NELL2: variants seen among roughly 807,000 people sequenced by gnomAD.
NELL2 encodes the protein neural EGFL like 2.
Under a neutral mutation model 109.6 loss-of-function variants are expected in NELL2, and 41 were observed. That is an observed-to-expected ratio of 0.37 (90% CI 0.29 to 0.49). The LOEUF (loss-of-function observed/expected upper bound fraction) is 0.49. Ranked by LOEUF, NELL2 falls within the 20% of genes least tolerant of loss-of-function variation. The pLI is 0.98. For missense variants in NELL2, 900 were observed against 1,008.3 expected (o/e 0.89, Z 1.45); for synonymous variants, 355 against 344.7 (o/e 1.03, Z -0.33).
Position 44,876,201 on chromosome 12 carries a change from CAA to C in NELL2, c.-334_-333del. 1.7e-6 allele frequency: 2 copies of C among 1,211,514 alleles called. No individual in the cohort carries two copies. Among genetic ancestry groups the C allele is most frequent in the Non-Finnish European group, 2.1e-6 (2 of 969,482 alleles). The allele number at this position is 1,211,514 out of a possible 1,614,324, so 75.0% of individuals were successfully genotyped here. ...AGCTCCCGAGCCGAATAAAAGCAGC[CAA>C]AGACTCGCACACCCGGTAGAAGGGG... On this transcript the variant is annotated 5_prime_UTR_variant, in exon 1 of 20. Coordinates refer to ENST00000429094, the MANE Select transcript of NELL2 (RefSeq NM_001145108.2).
intron 19 of NELL2, among the ~76,000 whole-genome samples, chr12:44,518,401 T>C (rs1404931532): frequency 1.3e-5 from 2 of 152,166 alleles, no homozygotes; most frequent in East Asian, 1.9e-4. Context: ...CCCACCACCA[T>C]GCCTGGCTAA....
intron 12 of NELL2, among the ~76,000 whole-genome samples, chr12:44,702,117 C>T (rs1426286243): frequency 6.6e-6 from 1 of 152,072 alleles, no homozygotes; most frequent in Non-Finnish European, 1.5e-5. Flanking sequence ...GTTACCACCA[C>T]TCTCCCCTCA....
At chr12:44,815,690 C>T (rs187714024) in intron 3 of NELL2, among the ~76,000 whole-genome samples, 18 of 152,298 alleles carry the variant, frequency 1.2e-4, no homozygotes, top group Admixed American at 1.0e-3. Flanking sequence ...ATGATCTTGG[C>T]TCACTGCAAC....
At chr12:44,909,803 G>A (rs1945759422) in intron 1 of NELL2, among the ~76,000 whole-genome samples, 1 of 150,250 alleles carries the variant, frequency 6.7e-6, no homozygotes, top group Non-Finnish European at 1.5e-5. Flanking sequence ...GGAACAGACT[G>A]GAGAACCCAG....
intron 3 of NELL2, among the ~76,000 whole-genome samples, chr12:44,797,358 T>G (rs545000194): frequency 5.9e-5 from 9 of 152,190 alleles, no homozygotes; most frequent in African/African-American, 2.2e-4. Context: ...GGGGACCCAC[T>G]GGGGAATATA....
chr12:44,910,724 T>C (rs1356252371), intron 1 of NELL2, among the ~76,000 whole-genome samples: 1 of 152,000 alleles, frequency 6.6e-6, no homozygotes, highest in African/African-American at 2.4e-5. Flanking sequence ...CCATCAATGA[T>C]GGATTGGATA....
intron 3 of NELL2, among the ~76,000 whole-genome samples, chr12:44,811,830 C>G (rs1943189285): frequency 6.6e-6 from 1 of 152,126 alleles, no homozygotes; most frequent in Non-Finnish European, 1.5e-5. Flanking sequence ...TATTCTATAG[C>G]AGAGACTTTG....
chr12:44,913,753 G>A lies in NELL2; in HGVS notation c.38+46C>T, dbSNP rs1592719225. 4.2e-6 allele frequency: 3 copies of A among 707,306 alleles called. No individual in the cohort carries two copies. The East Asian group carries it at 1.1e-4, about 27-fold the overall frequency. The allele number at this position is 707,306 out of a possible 1,614,324, so 43.8% of individuals were successfully genotyped here. ...ACCCTCCTTAAAGAATTTTTAAAAT[G>A]GTGTTCAGAGTTACCTTAAAATTAA... On this transcript the variant is annotated intron_variant, in intron 1 of 20. Coordinates refer to the NELL2 transcript ENST00000333837.
intron 12 of NELL2, among the ~76,000 whole-genome samples, chr12:44,686,205 A>T (rs972890018): frequency 2.0e-5 from 3 of 152,124 alleles, no homozygotes; most frequent in South Asian, 2.1e-4. Flanking sequence ...AGTTGATCAC[A>T]TCGGCTCCTG....
upstream of NELL2, among the ~76,000 whole-genome samples, chr12:44,916,361 A>G (rs961990706): frequency 1.1e-4 from 16 of 152,062 alleles, no homozygotes; most frequent in Non-Finnish European, 2.4e-4. Context: ...ATAGAAAATC[A>G]GGTAAATGAA....
intron 9 of NELL2, among the ~76,000 whole-genome samples, chr12:44,720,144 A>T (rs1342509683): frequency 2.0e-5 from 3 of 152,174 alleles, no homozygotes; most frequent in Non-Finnish European, 4.4e-5. Context: ...TACAATGCTT[A>T]AATCTCTATT....
chr12:44,694,392 C>CA (rs1163569737), intron 12 of NELL2, among the ~76,000 whole-genome samples: 1 of 151,954 alleles, frequency 6.6e-6, no homozygotes, highest in Non-Finnish European at 1.5e-5. Context: ...GAAACTATAC[C>CA]ACTGGCTCTC....
At chr12:44,615,155 A>AT (rs1654942811) in intron 13 of NELL2, among the ~76,000 whole-genome samples, 1 of 152,076 alleles carries the variant, frequency 6.6e-6, no homozygotes, top group Non-Finnish European at 1.5e-5. Flanking sequence ...GGGTTGCAAG[A>AT]GATCAAGGGA....
intron 3 of NELL2, among the ~76,000 whole-genome samples, chr12:44,812,835 C>T (rs1943222470): frequency 6.6e-6 from 1 of 152,040 alleles, no homozygotes; most frequent in African/African-American, 2.4e-5. Flanking sequence ...CAATAAAGAA[C>T]CTAGTTTAAT....
At chr12:44,516,049 T>C (rs527861821) in intron 19 of NELL2, among the ~76,000 whole-genome samples, 1 of 151,978 alleles carries the variant, frequency 6.6e-6, no homozygotes, top group Non-Finnish European at 1.5e-5. Flanking sequence ...CTTTAAGTTT[T>C]AGGGTACATG....
intron 13 of NELL2, among the ~76,000 whole-genome samples, chr12:44,659,047 C>A (rs1947630695): frequency 6.6e-6 from 1 of 152,078 alleles, no homozygotes; most frequent in African/African-American, 2.4e-5. Flanking sequence ...AATAACACCA[C>A]ACATCTATAA....
chr12:44,810,721 T>C (rs1164317033), intron 3 of NELL2, among the ~76,000 whole-genome samples: 6 of 152,070 alleles, frequency 3.9e-5, no homozygotes, highest in Non-Finnish European at 8.8e-5. Context: ...TCTTTATACA[T>C]ATTTTTTTGT....
rs1941496969 is a variant in NELL2 at position 44,770,296 on chromosome 12, T to C, written c.994+4451A>G. 2.0e-5 allele frequency among the ~76,000 whole-genome samples: 3 copies of C among 152,198 alleles called. No individual in the cohort carries two copies. The South Asian group carries it at 6.2e-4, about 31-fold the overall frequency. On this transcript the variant is annotated intron_variant, in intron 9 of 19. Transcript: ENST00000429094. ...TTAACATTGTTCTAAGCACTTTACA[T>C]TTATTACCTATTCAGTGCTTACACA...
chr12:44,918,246 T>C (rs938763460), upstream of NELL2, among the ~76,000 whole-genome samples: 3 of 152,198 alleles, frequency 2.0e-5, no homozygotes, highest in African/African-American at 7.2e-5. Flanking sequence ...GTACAGATCC[T>C]ATATGGTGTT....
Sources: gnomAD v4.1 joint callset for allele counts (sites outside exome capture counted in the v4.1 genomes callset) on GRCh38, gnomAD v4.1.1 for gene constraint, MANE v1.5 for transcripts, NCBI Gene and HGNC (gene_info 2026-07-23, HGNC 2026-07-21) for gene names.